The following ATXN1 variants were observed in gnomAD, a reference collection of about 807,000 sequenced individuals.
ATXN1 encodes ataxin-1.
Under a neutral mutation model 56.4 loss-of-function variants are expected in ATXN1, and 8 were observed. The observed-to-expected ratio is 0.14, with a 90% CI of 0.08 to 0.26. The LOEUF is 0.26. Among genes scored for constraint, ATXN1 ranks in the 10% least tolerant of loss-of-function variants. The pLI is 1.00. For missense variants in ATXN1, 987 were observed against 1,106.5 expected (o/e 0.89, Z 1.53); for synonymous variants, 514 against 494.6 (o/e 1.04, Z -0.52).
At chr6:16,403,913 GA>G (rs368840803) in intron 6 of ATXN1, among the ~76,000 whole-genome samples, 19,368 of 148,162 alleles carry the variant, frequency 0.13, 1,321 homozygotes, top group African/African-American at 0.15. Context: ...GGATCTTTGG[GA>G]AAAAAAAAAA....
intron 6 of ATXN1, among the ~76,000 whole-genome samples, chr6:16,384,893 G>A (rs1758207280): frequency 6.6e-6 from 1 of 152,194 alleles, no homozygotes; most frequent in Non-Finnish European, 1.5e-5. Flanking sequence ...TCATAGCAAT[G>A]TGAGAAGAGA....
intron 6 of ATXN1, among the ~76,000 whole-genome samples, chr6:16,378,885 G>A (rs1295197947): frequency 6.6e-6 from 1 of 152,124 alleles, no homozygotes; most frequent in Non-Finnish European, 1.5e-5. Context: ...AAGTTATTAT[G>A]ATGCCGATTC....
chr6:16,723,396 A>G (rs921292956), intron 2 of ATXN1, among the ~76,000 whole-genome samples: 1 of 152,218 alleles, frequency 6.6e-6, no homozygotes, highest in Non-Finnish European at 1.5e-5. Flanking sequence ...CAGCTTACAC[A>G]TAACTTATTA....
At chr6:16,753,855 AGTGT>A (rs1760801367) in intron 1 of ATXN1, among the ~76,000 whole-genome samples, 1 of 151,872 alleles carries the variant, frequency 6.6e-6, no homozygotes, top group African/African-American at 2.4e-5. Context: ...GCAGAAAAAA[AGTGT>A]AAAGTGTGCA....
intron 6 of ATXN1, among the ~76,000 whole-genome samples, chr6:16,407,135 T>C (rs1479892128): frequency 6.6e-6 from 1 of 152,372 alleles, no homozygotes; most frequent in Non-Finnish European, 1.5e-5. Context: ...GAGGAAGTTA[T>C]AGCTCAGAGA....
chr6:16,620,619 C>T (rs199748168), intron 3 of ATXN1, among the ~76,000 whole-genome samples: 1 of 152,116 alleles, frequency 6.6e-6, no homozygotes, highest in South Asian at 2.1e-4. Context: ...CGAAGAGGTA[C>T]GTTATATAAA....
At chr6:16,461,635 G>A (rs543542771) in intron 6 of ATXN1, among the ~76,000 whole-genome samples, 9 of 152,288 alleles carry the variant, frequency 5.9e-5, no homozygotes, top group South Asian at 2.1e-4. Flanking sequence ...CCTGCAAGAC[G>A]GAGAAGGCTC....
intron 2 of ATXN1, among the ~76,000 whole-genome samples, chr6:16,702,518 C>T (rs1759308174): frequency 6.6e-6 from 1 of 152,128 alleles, no homozygotes; most frequent in Admixed American, 6.5e-5. Context: ...TTCTGCACAG[C>T]CAAAGAAACT....
At chr6:16,404,187 C>T (rs906307689) in intron 6 of ATXN1, among the ~76,000 whole-genome samples, 8 of 151,988 alleles carry the variant, frequency 5.3e-5, no homozygotes, top group African/African-American at 1.9e-4. Flanking sequence ...TGACTCTTTA[C>T]CCAAAAAAGG....
chr6:16,416,086 G>A (rs1758899899), intron 6 of ATXN1, among the ~76,000 whole-genome samples: 2 of 102,268 alleles, frequency 2.0e-5, no homozygotes, highest in African/African-American at 4.0e-5. Flanking sequence ...GAACTACCAA[G>A]CTTTCAAAAA....
intron 4 of ATXN1, among the ~76,000 whole-genome samples, chr6:16,529,884 T>G (rs1761469475): frequency 6.6e-6 from 1 of 152,182 alleles, no homozygotes; most frequent in Non-Finnish European, 1.5e-5. Flanking sequence ...AGCCTGGATT[T>G]TACATCATTT....
At chr6:16,622,943 A>G (rs1314554071) in intron 3 of ATXN1, among the ~76,000 whole-genome samples, 1 of 152,162 alleles carries the variant, frequency 6.6e-6, no homozygotes, top group Non-Finnish European at 1.5e-5. Context: ...TACAAAAATA[A>G]TCATTCATAT....
At chr6:16,338,614 T>C (rs1023459793) in intron 6 of ATXN1, among the ~76,000 whole-genome samples, 5 of 152,222 alleles carry the variant, frequency 3.3e-5, no homozygotes, top group African/African-American at 1.2e-4. Flanking sequence ...AGAATTAACA[T>C]GCACAGTGCC....
intron 3 of ATXN1, among the ~76,000 whole-genome samples, chr6:16,647,744 T>C (rs1005310419): frequency 6.6e-6 from 1 of 152,230 alleles, no homozygotes; most frequent in Non-Finnish European, 1.5e-5. Context: ...CATCGTGTTG[T>C]ACACAAATTT....
At chr6:16,361,108 A>C (rs1761799978) in intron 6 of ATXN1, among the ~76,000 whole-genome samples, 1 of 152,240 alleles carries the variant, frequency 6.6e-6, no homozygotes, top group African/African-American at 2.4e-5. Context: ...GCCCCTATGG[A>C]GAATAAGTAG....
chr6:16,676,060 T>C (rs543227967), intron 2 of ATXN1, among the ~76,000 whole-genome samples: 2 of 152,198 alleles, frequency 1.3e-5, no homozygotes, highest in East Asian at 3.9e-4. Flanking sequence ...TCAAGGCAGG[T>C]AACACCATGA....
At chr6:16,384,446 C>T (rs1758196568) in intron 6 of ATXN1, among the ~76,000 whole-genome samples, 2 of 152,292 alleles carry the variant, frequency 1.3e-5, no homozygotes, top group Admixed American at 6.5e-5. Context: ...CTTCATTCAC[C>T]AAATGAGTGA....
chr6:16,609,155 A>G (rs1231655955), intron 3 of ATXN1, among the ~76,000 whole-genome samples: 1 of 152,240 alleles, frequency 6.6e-6, no homozygotes, highest in Non-Finnish European at 1.5e-5. Context: ...AGAAGAAACA[A>G]GAAGAGATTC....
chr6:16,467,935 T>C (rs1157068556), intron 6 of ATXN1, among the ~76,000 whole-genome samples: 1 of 152,242 alleles, frequency 6.6e-6, no homozygotes. Context: ...AACACGGATA[T>C]TCTCTTGGTA....
Sources: gnomAD v4.1 joint callset for allele counts (sites outside exome capture counted in the v4.1 genomes callset) on GRCh38, gnomAD v4.1.1 for gene constraint, MANE v1.5 for transcripts, NCBI Gene and HGNC (gene_info 2026-07-23, HGNC 2026-07-21) for gene names.